HDAC9: variants seen among roughly 807,000 people sequenced by gnomAD.
HDAC9 encodes MEF-2 interacting transcription repressor (MITR) protein.
Under a neutral mutation model 139.4 loss-of-function variants are expected in HDAC9, and 41 were observed. The ratio of observed to expected loss-of-function variants is 0.29; its 90% CI spans 0.23 to 0.38. HDAC9 has a LOEUF of 0.38. Among genes scored for constraint, HDAC9 ranks in the 10% least tolerant of loss-of-function variants. The pLI is 1.00. For missense variants in HDAC9, 1,147 were observed against 1,297.0 expected (o/e 0.88, Z 1.78); for synonymous variants, 517 against 476.2 (o/e 1.09, Z -1.12).
chr7:18,168,383 G>A (rs1408124072), intron 2 of HDAC9, among the ~76,000 whole-genome samples: 12 of 152,220 alleles, frequency 7.9e-5, no homozygotes, highest in African/African-American at 2.6e-4. Context: ...ATCTTTTCAT[G>A]AACACTACTA....
chr7:18,479,678 A>G (rs899439708), intron 1 of HDAC9, among the ~76,000 whole-genome samples: 1 of 152,144 alleles, frequency 6.6e-6, no homozygotes, highest in African/African-American at 2.4e-5. Context: ...AACACTAAAT[A>G]TTGATTTTTT....
chr7:18,312,226 G>A (rs538081587), intron 1 of HDAC9, among the ~76,000 whole-genome samples: 1 of 152,250 alleles, frequency 6.6e-6, no homozygotes, highest in African/African-American at 2.4e-5. Context: ...GCAAAGATAG[G>A]AGAGCCATAC....
At chr7:18,875,758 T>C (rs1585201866) in intron 22 of HDAC9, among the ~76,000 whole-genome samples, 1 of 152,286 alleles carries the variant, frequency 6.6e-6, no homozygotes, top group South Asian at 2.1e-4. Flanking sequence ...AAAATTGTTA[T>C]TATTATCCAT....
rs559291784 is a variant in HDAC9, at chr7:18,587,685, T to A, written c.264+2163T>A. Among the ~76,000 whole-genome samples, 4 of 152,336 alleles carry A rather than the reference T, an allele frequency of 2.6e-5. No individual in the cohort carries two copies. In the South Asian group the frequency reaches 8.3e-4, roughly 32 times the overall value. On this transcript the variant is annotated intron_variant, in intron 3 of 25. Transcript: ENST00000686413. ...TACCTTTCCAAGGCTACATAGCCAATAAATTGTTGCTCCAAGATTTACAGT... is the reference window on the plus strand; with the variant it reads ...TACCTTTCCAAGGCTACATAGCCAAAAAATTGTTGCTCCAAGATTTACAGT...
chr7:18,132,164 T>A (rs1006429856), intron 1 of HDAC9, among the ~76,000 whole-genome samples: 2 of 152,116 alleles, frequency 1.3e-5, no homozygotes, highest in African/African-American at 4.8e-5. Context: ...GGGCTTTTTC[T>A]TCCCTTCATT....
chr7:18,187,863 G>T (rs777411946), intron 2 of HDAC9, among the ~76,000 whole-genome samples: 5 of 152,156 alleles, frequency 3.3e-5, no homozygotes, highest in Non-Finnish European at 7.3e-5. Context: ...TCTTCAGTGT[G>T]CTTCTTCCTG....
At chr7:18,893,033 G>GAAAAAAAAAAAAAAAAAAA (rs71960483) in intron 22 of HDAC9, among the ~76,000 whole-genome samples, 5 of 66,890 alleles carry the variant, frequency 7.5e-5, no homozygotes, top group Admixed American at 5.0e-4. Context: ...GTAATAGGCC[G>GAAAAAAAAAAAAAAAAAAA]AAAAAAAAAA....
chr7:18,904,140 C>A (rs1801986337), intron 22 of HDAC9, among the ~76,000 whole-genome samples: 1 of 152,190 alleles, frequency 6.6e-6, no homozygotes, highest in South Asian at 2.1e-4. Context: ...TTCCCGATTT[C>A]TTTTAAGTAG....
chr7:18,778,641 T>G (rs1272088465), intron 16 of HDAC9, among the ~76,000 whole-genome samples: 1 of 152,008 alleles, frequency 6.6e-6, no homozygotes, highest in Non-Finnish European at 1.5e-5. Flanking sequence ...TGGATAACAA[T>G]AGGGACTCTC....
At chr7:18,667,529 A>G (rs1795168830) in intron 12 of HDAC9, 4 of 985,096 alleles carry the variant, frequency 4.1e-6, no homozygotes, top group Non-Finnish European at 4.8e-6. Context: ...ATGTCCTTTG[A>G]TGCTATAAAA....
intron 16 of HDAC9, among the ~76,000 whole-genome samples, chr7:18,784,465 C>T (rs1418316946): frequency 6.6e-6 from 1 of 151,742 alleles, no homozygotes; most frequent in Non-Finnish European, 1.5e-5. Flanking sequence ...AAGGTTGCTA[C>T]TATTGCTCTC....
intron 1 of HDAC9, among the ~76,000 whole-genome samples, chr7:18,143,366 C>G (rs1217485412): frequency 2.6e-5 from 4 of 152,120 alleles, no homozygotes; most frequent in African/African-American, 9.7e-5. Flanking sequence ...TGCTTTTGGT[C>G]AGTCTGATTA....
At chr7:18,175,604 A>G (rs994786755) in intron 2 of HDAC9, among the ~76,000 whole-genome samples, 2 of 152,202 alleles carry the variant, frequency 1.3e-5, no homozygotes, top group Admixed American at 1.3e-4. Context: ...GGACCAGTCC[A>G]TAGTTTTATA....
At chr7:18,973,583 T>C (rs899133971) in intron 24 of HDAC9, among the ~76,000 whole-genome samples, 5 of 152,144 alleles carry the variant, frequency 3.3e-5, no homozygotes, top group Middle Eastern at 3.2e-3. Flanking sequence ...ATCTGTTCCT[T>C]CGTGAAACAG....
intron 2 of HDAC9, among the ~76,000 whole-genome samples, chr7:18,244,590 A>G (rs569203085): frequency 1.3e-5 from 2 of 152,268 alleles, no homozygotes; most frequent in Admixed American, 6.5e-5. Flanking sequence ...CAAGGTCAGG[A>G]GTTCGAGACC....
intron 2 of HDAC9, among the ~76,000 whole-genome samples, chr7:18,207,801 G>A (rs916236097): frequency 6.6e-5 from 10 of 151,732 alleles, no homozygotes; most frequent in Non-Finnish European, 1.2e-4. Flanking sequence ...CACAACCTCC[G>A]CCTCCCGGGT....
intron 16 of HDAC9, among the ~76,000 whole-genome samples, chr7:18,788,037 G>A (rs1050087691): frequency 1.3e-5 from 2 of 152,128 alleles, no homozygotes; most frequent in Non-Finnish European, 2.9e-5. Context: ...GGGGTACCTG[G>A]ATCCTCCTGC....
chr7:18,871,395 A>G (rs1390724455), intron 21 of HDAC9, among the ~76,000 whole-genome samples: 1 of 152,186 alleles, frequency 6.6e-6, no homozygotes, highest in Non-Finnish European at 1.5e-5. Flanking sequence ...AATTGATATG[A>G]GAAAGCAAGA....
At chr7:18,318,564 C>T (rs1475065366) in intron 1 of HDAC9, among the ~76,000 whole-genome samples, 1 of 152,180 alleles carries the variant, frequency 6.6e-6, no homozygotes, top group African/African-American at 2.4e-5. Flanking sequence ...AGTGGGGCCT[C>T]AGCATCTGGA....
Sources: gnomAD v4.1 joint callset for allele counts (sites outside exome capture counted in the v4.1 genomes callset) on GRCh38, gnomAD v4.1.1 for gene constraint, MANE v1.5 for transcripts, NCBI Gene and HGNC (gene_info 2026-07-23, HGNC 2026-07-21) for gene names.